The following CMPK1 variants were observed in gnomAD, a reference collection of about 807,000 sequenced individuals.
The protein encoded by CMPK1 is cytidine/uridine monophosphate kinase 1.
In CMPK1, 10 loss-of-function variants were observed where a neutral mutation model predicts 25.7. The observed-to-expected ratio is 0.39, with a 90% CI of 0.24 to 0.66. The LOEUF (loss-of-function observed/expected upper bound fraction) is 0.66. CMPK1 is among the 30% of genes least tolerant of loss of function. The pLI is 0.48. For synonymous variants in CMPK1, 106 were observed against 101.5 expected, an observed-to-expected ratio of 1.04 and a Z score of -0.27; for missense variants, 199 against 280.5, an observed-to-expected ratio of 0.71 and a Z score of 2.08.
intron 1 of CMPK1, among the ~76,000 whole-genome samples, chr1:47,361,663 A>G (rs748742949): frequency 1.3e-5 from 2 of 149,968 alleles, no homozygotes; most frequent in African/African-American, 4.9e-5. Flanking sequence ...GAAATTTGCC[A>G]TGTCAGCCAG....
chr1:47,361,247 G>C (rs951485467), intron 1 of CMPK1, among the ~76,000 whole-genome samples: 1 of 152,068 alleles, frequency 6.6e-6, no homozygotes, highest in Non-Finnish European at 1.5e-5. Context: ...AACTTAGCTG[G>C]GCATGGTGGT....
In CMPK1 at chr1:47,334,072, G is replaced by T; in HGVS notation, c.127G>T (p.Gly43Cys). 6.5e-7 allele frequency: 1 copy of T among 1,541,124 alleles called. No individual in the cohort carries two copies. Among genetic ancestry groups the T allele is most frequent in the South Asian group, 1.2e-5 (1 of 83,432 alleles). The part of the protein sequence containing the change: ...MKPLVVFVLG[G>C]PGAGKGTQCA... The stretch of plus-strand genomic sequence containing the variant: ...GCCGCTGGTCGTGTTCGTCCTCGGC[G>T]GCCCCGGCGCCGGCAAGGGGACCCA... Residue 43 changes from glycine (G) to cysteine (C), a missense_variant, in exon 1 of 6, where the codon GGC (glycine) becomes TGC (cysteine). Physicochemically the swap from Gly to Cys is radical, Grantham distance 159 (BLOSUM62 -3). Around this residue, in one of 2 missense-constraint regions of CMPK1, gnomAD observed 140 missense variants for 235.5 expected, o/e 0.59. Transcript: ENST00000371873.
At chr1:47,350,767 C>T (rs1002232566) in intron 1 of CMPK1, among the ~76,000 whole-genome samples, 1 of 151,886 alleles carries the variant, frequency 6.6e-6, no homozygotes, top group African/African-American at 2.4e-5. Context: ...ATTAGCCAGG[C>T]GTGGTGGCAC....
chr1:47,345,518 G>A lies in CMPK1; in HGVS notation c.171+11402G>A, dbSNP rs892513254. 1.9e-4 allele frequency among the ~76,000 whole-genome samples: 27 copies of A among 144,342 alleles called. No homozygotes were observed. In the Admixed American group the frequency reaches 1.9e-3, roughly 10 times the overall value. 94.7% of individuals were successfully genotyped at this position (144,342 alleles called of 152,430 possible). ...TTTCTTTTTTTTTTTTTTTGAGACAGAGTCTCACTCTGTTGCCCAGGCTGG... is the reference window on the plus strand; with the variant it reads ...TTTCTTTTTTTTTTTTTTTGAGACAAAGTCTCACTCTGTTGCCCAGGCTGG... On this transcript the variant is annotated intron_variant, in intron 1 of 5. Coordinates refer to ENST00000371873, the MANE Select transcript of CMPK1 (RefSeq NM_016308.3).
intron 1 of CMPK1, among the ~76,000 whole-genome samples, chr1:47,341,490 T>G (rs1288510812): frequency 6.6e-6 from 1 of 152,114 alleles, no homozygotes; most frequent in African/African-American, 2.4e-5. Flanking sequence ...TGCCTCAGCC[T>G]CCCAAGTAGC....
chr1:47,338,304 G>A (rs1015317383), intron 1 of CMPK1, among the ~76,000 whole-genome samples: 5 of 152,168 alleles, frequency 3.3e-5, no homozygotes, highest in Admixed American at 1.3e-4. Context: ...TTGTTAGAGG[G>A]AAGCTGGTAT....
chr1:47,355,788 G>T (rs746961181), intron 1 of CMPK1, among the ~76,000 whole-genome samples: 1 of 151,636 alleles, frequency 6.6e-6, no homozygotes, highest in Admixed American at 6.6e-5. Flanking sequence ...TGTATTTTTA[G>T]TAGAGACAGG....
chr1:47,373,534 C>A (rs918607918), intron 3 of CMPK1: 1 of 152,882 alleles, frequency 6.5e-6, no homozygotes, highest in Non-Finnish European at 1.5e-5. Context: ...CGGTGGCTCA[C>A]GCTTGTAATC....
At chr1:47,353,745 C>G (rs981439981) in intron 1 of CMPK1, among the ~76,000 whole-genome samples, 20 of 152,118 alleles carry the variant, frequency 1.3e-4, no homozygotes, top group Admixed American at 1.0e-3. Context: ...GAGATGGAGT[C>G]TCACTCTGTC....
chr1:47,341,034 G>A (rs1646437761), intron 1 of CMPK1, among the ~76,000 whole-genome samples: 1 of 152,144 alleles, frequency 6.6e-6, no homozygotes, highest in East Asian at 1.9e-4. Context: ...TATGACATGG[G>A]ATTTTTGTTA....
Position 47,333,879 on chromosome 1 carries a change from T to TCCCGG in CMPK1, c.-64_-63insGGCCC. 4.5e-6 allele frequency: 5 copies of TCCCGG among 1,102,644 alleles called. No homozygotes were observed. The highest frequency in any genetic ancestry group is 5.6e-6 in the Non-Finnish European group (5 of 893,952). 68.3% of individuals were successfully genotyped at this position (1,102,644 alleles called of 1,614,324 possible). Reference sequence around the variant, plus strand: ...CAGCCCGCCCCTTTCTCCCGCCGCCTCCCCGCCCCGCCCCGCGCCGCGCCG... The same window carrying TCCCGG: ...CAGCCCGCCCCTTTCTCCCGCCGCCTCCCGGCCCCGCCCCGCCCCGCGCCGCGCCG... On this transcript the variant is annotated 5_prime_UTR_variant, in exon 1 of 6. Transcript: ENST00000371873.
intron 1 of CMPK1, among the ~76,000 whole-genome samples, chr1:47,334,772 T>C (rs184103379): frequency 1.3e-5 from 2 of 152,252 alleles, no homozygotes; most frequent in East Asian, 3.9e-4. Flanking sequence ...TGTTCTGAGA[T>C]CAAGCTTCAA....
Position 47,378,586 on chromosome 1 carries a change from T to G in CMPK1, c.*1841T>G, listed in dbSNP as rs1025223723. On this transcript the variant is annotated 3_prime_UTR_variant, in exon 6 of 6. Transcript: ENST00000371873. ...CATGGTAATTACTAAATTATGAGGC[T>G]TTGCTTTTTGTTTGCTTTTAAGTAG... 1 of 152,226 alleles carries G rather than the reference T, an allele frequency of 6.6e-6. No individual in the cohort carries two copies. Among genetic ancestry groups the G allele is most frequent in the Non-Finnish European group, 1.5e-5 (1 of 68,048 alleles). 9.4% of individuals were successfully genotyped at this position (152,226 alleles called of 1,614,324 possible).
intron 1 of CMPK1, among the ~76,000 whole-genome samples, chr1:47,338,250 G>A (rs1646413502): frequency 6.6e-6 from 1 of 152,138 alleles, no homozygotes; most frequent in South Asian, 2.1e-4. Flanking sequence ...AAAACCCTTA[G>A]GGATATCTTG....
chr1:47,345,228 T>C lies in CMPK1; in HGVS notation c.171+11112T>C, dbSNP rs150158169. On this transcript the variant is annotated intron_variant, in intron 1 of 5. Coordinates refer to ENST00000371873, the MANE Select transcript of CMPK1 (RefSeq NM_016308.3). Reference sequence around the variant, plus strand: ...CCACCACGCCTGGCCTTCATTCTACTACATGGTTTTTGAAATGCCTTAGTC... The same window carrying C: ...CCACCACGCCTGGCCTTCATTCTACCACATGGTTTTTGAAATGCCTTAGTC... 2.4e-3 allele frequency among the ~76,000 whole-genome samples: 370 copies of C among 152,130 alleles called. 1 individual carries two copies. The highest frequency in any genetic ancestry group is 8.2e-3 in the African/African-American group (340 of 41,516).
intron 1 of CMPK1, among the ~76,000 whole-genome samples, chr1:47,334,558 C>G (rs1646382030): frequency 6.6e-6 from 1 of 152,216 alleles, no homozygotes; most frequent in African/African-American, 2.4e-5. Flanking sequence ...TATTTTTCTT[C>G]TCCGCGCCTT....
chr1:47,356,909 C>T (rs1011952299), intron 1 of CMPK1, among the ~76,000 whole-genome samples: 1 of 150,972 alleles, frequency 6.6e-6, no homozygotes, highest in African/African-American at 2.4e-5. Flanking sequence ...GATCCGCATG[C>T]CTTCATCTCC....
chr1:47,358,559 A>G, intron 1 of CMPK1: 1 of 1,011,192 alleles, frequency 9.9e-7, no homozygotes, highest in Non-Finnish European at 1.2e-6. Flanking sequence ...AAATAAACAG[A>G]TCTAAGAAAG....
chr1:47,372,932 C>T (rs768826233), intron 2 of CMPK1, 23 bp from the exon 3 acceptor site: 19 of 1,593,702 alleles, frequency 1.2e-5, no homozygotes, highest in Middle Eastern at 2.0e-4. Flanking sequence ...TTGTATTGAA[C>T]CTAAATCTTC....
Sources: allele counts gnomAD v4.1 joint callset (sites outside exome capture counted in the v4.1 genomes callset), GRCh38; gene constraint gnomAD v4.1.1; regional missense constraint gnomAD v4.1.1; transcripts MANE v1.5; gene names NCBI Gene and HGNC (gene_info 2026-07-23, HGNC 2026-07-21).